Variants in IDO2 observed in about 807,000 individuals in gnomAD.
IDO2 encodes the protein indoleamine 2,3-dioxygenase 2.
In IDO2, 46 loss-of-function variants were observed where a neutral mutation model predicts 45.1. The observed-to-expected ratio is 1.02, with a 90% CI of 0.80 to 1.30. The LOEUF is 1.30. IDO2 is among the 50% of genes most tolerant of loss of function. The pLI is 0.00. For synonymous variants in IDO2, 218 were observed against 184.9 expected, an observed-to-expected ratio of 1.18 and a Z score of -1.45; for missense variants, 544 against 491.8, an observed-to-expected ratio of 1.11 and a Z score of -1.00.
exon 6 of IDO2, chr8:39,985,518 A>C: frequency 1.3e-6 from 2 of 1,565,240 alleles, no homozygotes; most frequent in Non-Finnish European, 1.7e-6. Context: ...ATTCCTGGAA[A>C]TTGGGTAAGT....
At chr8:39,967,441 G>A (rs1263672351) in intron 3 of IDO2, among the ~76,000 whole-genome samples, 1 of 152,156 alleles carries the variant, frequency 6.6e-6, no homozygotes, top group African/African-American at 2.4e-5. Context: ...TATTTACAGA[G>A]TAAATACATA....
At chr8:39,948,577 G>A (rs1359062747) in intron 1 of IDO2, among the ~76,000 whole-genome samples, 7 of 152,146 alleles carry the variant, frequency 4.6e-5, no homozygotes, top group Non-Finnish European at 8.8e-5. Context: ...GATCACTAAC[G>A]CGACATTTTG....
intron 3 of IDO2, among the ~76,000 whole-genome samples, chr8:39,973,528 A>G (rs1023468502): frequency 9.9e-5 from 15 of 152,074 alleles, no homozygotes; most frequent in African/African-American, 2.9e-4. Flanking sequence ...TATGGTCATT[A>G]TAATCATTGA....
At chr8:40,008,777 G>A (rs972739520) in intron 9 of IDO2, among the ~76,000 whole-genome samples, 4 of 151,938 alleles carry the variant, frequency 2.6e-5, no homozygotes, top group African/African-American at 4.8e-5. Context: ...AAATAAATTC[G>A]GAGTCATTGA....
At chr8:39,966,911 A>G (rs954750873) in intron 3 of IDO2, among the ~76,000 whole-genome samples, 1 of 152,242 alleles carries the variant, frequency 6.6e-6, no homozygotes, top group South Asian at 2.1e-4. Flanking sequence ...ATGGCCTCCA[A>G]TAAATAAGAT....
intron 3 of IDO2, among the ~76,000 whole-genome samples, chr8:39,976,375 A>G (rs1450566345): frequency 6.6e-6 from 1 of 152,192 alleles, no homozygotes; most frequent in East Asian, 1.9e-4. Context: ...AGATACTCTC[A>G]AGGAGCAAGC....
At position 39,966,484 on chromosome 8, in the gene IDO2, C is replaced by T. The variant is rs541757297; in HGVS notation, c.195+2781C>T. Among the ~76,000 whole-genome samples the T allele has an allele frequency of 6.0e-4, 92 of 152,262 alleles. 2 individuals carry two copies. In the South Asian group the frequency reaches 0.018, roughly 30 times the overall value. On this transcript the variant is annotated intron_variant, in intron 3 of 10. Transcript: ENST00000502986. ...TCAGTTAGCAATTTCCTGTGAGAGGCAAATGTAATAGTTTCTAGAACCACA... is the reference window on the plus strand; with the variant it reads ...TCAGTTAGCAATTTCCTGTGAGAGGTAAATGTAATAGTTTCTAGAACCACA...
chr8:39,956,713 C>G (rs1807907249), intron 2 of IDO2, among the ~76,000 whole-genome samples: 2 of 151,874 alleles, frequency 1.3e-5, no homozygotes, highest in Admixed American at 1.3e-4. Context: ...TTGTAGTAGG[C>G]CCTGTGTTAA....
chr8:39,995,293 T>TCTTCTTCTTCCTC (rs1554548632), intron 8 of IDO2: 1 of 144,778 alleles, frequency 6.9e-6, no homozygotes, highest in Admixed American at 7.0e-5. Context: ...TTCTTCTTTT[T>TCTTCTTCTTCCTC]TTTTTGAGAT....
intron 3 of IDO2, among the ~76,000 whole-genome samples, chr8:39,971,141 G>A (rs1202926280): frequency 6.6e-6 from 1 of 152,172 alleles, no homozygotes; most frequent in Non-Finnish European, 1.5e-5. Flanking sequence ...GGCTAGTGCA[G>A]CTGGTGACTT....
intron 9 of IDO2, among the ~76,000 whole-genome samples, chr8:40,006,641 C>CCAT (rs1287005459): frequency 1.0e-4 from 8 of 78,502 alleles, no homozygotes; most frequent in Non-Finnish European, 2.1e-4. Flanking sequence ...GAGAACTCTA[C>CCAT]TATTATTTTA....
chr8:39,963,540 A>G (rs1808030847), intron 2 of IDO2, 68 bp from the exon 3 acceptor site: 1 of 852,078 alleles, frequency 1.2e-6, no homozygotes, highest in East Asian at 2.6e-5. Flanking sequence ...AAATGTGAAA[A>G]TAGCTACTCT....
At chr8:39,989,662 C>T in intron 7 of IDO2, 59 bp from the exon 8 acceptor site, 3 of 1,215,440 alleles carry the variant, frequency 2.5e-6, no homozygotes, top group Non-Finnish European at 3.5e-6. Flanking sequence ...GAGGCTTACT[C>T]TGCCTGCATG....
At chr8:40,014,027 G>C (rs1271608693) in intron 10 of IDO2, among the ~76,000 whole-genome samples, 1 of 152,116 alleles carries the variant, frequency 6.6e-6, no homozygotes, top group Non-Finnish European at 1.5e-5. Flanking sequence ...GAGAGATGTG[G>C]AGTTTGAAGG....
chr8:39,934,887 C>A lies in IDO2; in HGVS notation c.-349C>A, dbSNP rs1807522097. 2.0e-6 allele frequency: 1 copy of A among 497,114 alleles called. No individual in the cohort carries two copies. The highest frequency in any genetic ancestry group is 2.4e-5 in the South Asian group (1 of 41,888). The allele number at this position is 497,114 out of a possible 1,614,324, so 30.8% of individuals were successfully genotyped here. A position where few individuals can be genotyped will look rare whatever the true frequency, so the allele number is the denominator to read the frequency against. On this transcript the variant is annotated 5_prime_UTR_variant, in exon 1 of 11. In the 5' UTR this introduces an upstream ATG that the reference lacks. Transcript: ENST00000502986. ...GATGGAGAATTTTAAAGTTGGAAAT[C>A]TGCCTGGTAAGGGATCATTTGCTGG...
At chr8:39,985,386 A>C (rs1808408426) in intron 5 of IDO2, 122 bp from the exon 6 acceptor site, 1 of 824,150 alleles carries the variant, frequency 1.2e-6, no homozygotes, top group Non-Finnish European at 2.0e-6. Flanking sequence ...TGCCTTGCAC[A>C]CAAGTGTGCA....
At chr8:39,939,049 T>G (rs992247281) in intron 1 of IDO2, among the ~76,000 whole-genome samples, 3 of 151,654 alleles carry the variant, frequency 2.0e-5, no homozygotes, top group African/African-American at 7.3e-5. Context: ...GTCAGGAGTT[T>G]GAGATCAGCC....
intron 3 of IDO2, among the ~76,000 whole-genome samples, chr8:39,969,524 C>T (rs928922110): frequency 2.6e-5 from 4 of 152,080 alleles, no homozygotes; most frequent in African/African-American, 4.8e-5. Flanking sequence ...ATTAATAATC[C>T]TACAATGGCC....
intron 3 of IDO2, among the ~76,000 whole-genome samples, chr8:39,967,339 T>C (rs1808101099): frequency 6.6e-6 from 1 of 152,064 alleles, no homozygotes; most frequent in African/African-American, 2.4e-5. Context: ...GGGTGAGGGT[T>C]GGGGGGCACA....
Sources: gnomAD v4.1 joint callset for allele counts (sites outside exome capture counted in the v4.1 genomes callset) on GRCh38, gnomAD v4.1.1 for gene constraint, MANE v1.5 for transcripts, NCBI Gene and HGNC (gene_info 2026-07-23, HGNC 2026-07-21) for gene names.